Variants in ANKRD42 observed in about 807,000 individuals in gnomAD.
ANKRD42 encodes ankyrin repeat domain 42.
ANKRD42 carries 43 observed loss-of-function variants against 51.5 expected under a neutral mutation model. The ratio of observed to expected loss-of-function variants is 0.83; its 90% confidence interval spans 0.65 to 1.08. The LOEUF (loss-of-function observed/expected upper bound fraction) is 1.08, where lower values mean the gene tolerates loss of function less well. Ranked by LOEUF, ANKRD42 falls within the 50% of genes least tolerant of loss-of-function variation. The pLI is 0.00. For synonymous variants in ANKRD42, 203 were observed against 213.0 expected, an observed-to-expected ratio of 0.95 and a Z score of 0.41; for missense variants, 608 against 629.3, an observed-to-expected ratio of 0.97 and a Z score of 0.36.
intron 3 of ANKRD42, among the ~76,000 whole-genome samples, chr11:83,207,783 T>C (rs1281103069): frequency 6.6e-6 from 1 of 152,236 alleles, no homozygotes; most frequent in East Asian, 1.9e-4. Context: ...CTCTATGCTA[T>C]ACTTCTGTAA....
downstream of ANKRD42, chr11:83,260,408 T>TA (rs1374610799): frequency 2.6e-5 from 4 of 152,206 alleles, no homozygotes; most frequent in Admixed American, 1.3e-4. Context: ...CAGTGAAAAT[T>TA]AATCTATAAT....
chr11:83,194,539 G>T lies in ANKRD42; in HGVS notation c.-132G>T. ...CTGGGAGAGAGCAAGAGAGGACCTT[G>T]GGCCCCGTCCTAGTGACGACGGAGA... On this transcript the variant is annotated 5_prime_UTR_variant, in exon 1 of 11. Coordinates refer to ENST00000533342, the MANE Select transcript of ANKRD42 (RefSeq NM_001300975.2). 1.2e-6 allele frequency: 1 copy of T among 839,448 alleles called. No homozygotes were observed. The highest frequency in any genetic ancestry group is 2.0e-6 in the Non-Finnish European group (1 of 501,674). The allele number at this position is 839,448 out of a possible 1,614,324, so 52.0% of individuals were successfully genotyped here.
chr11:83,256,491 C>G (rs1181246977), downstream of ANKRD42, among the ~76,000 whole-genome samples: 1 of 152,190 alleles, frequency 6.6e-6, no homozygotes, highest in Non-Finnish European at 1.5e-5. Context: ...GCTTGGCCAA[C>G]TAAAAAACAA....
intron 8 of ANKRD42, among the ~76,000 whole-genome samples, chr11:83,237,373 G>A (rs986720546): frequency 7.1e-6 from 1 of 141,098 alleles, no homozygotes; most frequent in Non-Finnish European, 1.6e-5. Context: ...AGATAGAGGT[G>A]AAAGAAAAAA....
intron 8 of ANKRD42, among the ~76,000 whole-genome samples, chr11:83,238,136 T>C (rs1863276666): frequency 6.6e-6 from 1 of 152,192 alleles, no homozygotes; most frequent in African/African-American, 2.4e-5. Context: ...ATCTTGATTG[T>C]AGTTCATTTT....
At position 83,211,393 on chromosome 11, in the gene ANKRD42, T is replaced by C. The variant is rs1862310779; in HGVS notation, c.549T>C (p.Cys183=). The C allele has an allele frequency of 6.2e-7, 1 of 1,614,120 alleles. No homozygotes were observed. The highest frequency in any genetic ancestry group is 8.5e-7 in the Non-Finnish European group (1 of 1,180,044). ...TGCAACTTCTTGTTAAATGGGGTTG[T>C]AGCATAGAAGATGTGGACTACAATG... The part of the protein sequence containing the change: ...GCLQLLVKWG[C]SIEDVDYNGN... The change falls in exon 5 of 11, where the codon TGT becomes TGC. Residue 183 remains cysteine, a synonymous_variant. Transcript: ENST00000533342.
intron 5 of ANKRD42, chr11:83,213,027 T>A (rs755126722): frequency 1.3e-6 from 2 of 1,599,900 alleles, no homozygotes; most frequent in East Asian, 4.5e-5. Context: ...AGACCCCTTG[T>A]GAAGCCCAGG....
intron 5 of ANKRD42, among the ~76,000 whole-genome samples, chr11:83,216,346 G>C (rs188488213): frequency 6.8e-6 from 1 of 148,030 alleles, no homozygotes; most frequent in Non-Finnish European, 1.5e-5. Flanking sequence ...TTTTTTTTGA[G>C]ACGGAGTCTC....
intron 9 of ANKRD42, among the ~76,000 whole-genome samples, chr11:83,243,260 A>G (rs937272683): frequency 2.6e-5 from 4 of 152,152 alleles, no homozygotes; most frequent in South Asian, 2.1e-4. Flanking sequence ...CTTGTTGTCC[A>G]TGTGTATGTC....
At chr11:83,246,361 A>C (rs746093078) in intron 10 of ANKRD42, among the ~76,000 whole-genome samples, 23 of 152,210 alleles carry the variant, frequency 1.5e-4, no homozygotes, top group Non-Finnish European at 2.5e-4. Context: ...ATACGTATGT[A>C]CTATACCATT....
chr11:83,194,839 C>A, intron 1 of ANKRD42, 111 bp downstream of exon 1: 1 of 1,126,706 alleles, frequency 8.9e-7, no homozygotes, highest in South Asian at 1.5e-5. Flanking sequence ...TCACTCCCCC[C>A]TTTCCCTTTT....
At chr11:83,229,715 C>T (rs1863009633) in intron 7 of ANKRD42, among the ~76,000 whole-genome samples, 1 of 152,154 alleles carries the variant, frequency 6.6e-6, no homozygotes. Flanking sequence ...AGAGTTTGCT[C>T]TTCACCCTCT....
chr11:83,209,092 A>G (rs1377047563), intron 3 of ANKRD42, among the ~76,000 whole-genome samples: 2 of 152,186 alleles, frequency 1.3e-5, no homozygotes, highest in African/African-American at 4.8e-5. Flanking sequence ...TTAATAATTA[A>G]TTATTTTATT....
At position 83,194,642 on chromosome 11, in the gene ANKRD42, C is replaced by A. The variant is rs750403309; in HGVS notation, c.-29C>A. 1.9e-6 allele frequency: 3 copies of A among 1,613,006 alleles called. No homozygotes were observed. Among genetic ancestry groups the A allele is most frequent in the African/African-American group, 2.7e-5 (2 of 74,918 alleles). On this transcript the variant is annotated 5_prime_UTR_variant, in exon 1 of 11. Transcript: ENST00000533342. ...CGCAGCATCAGGGGCCTGGACTCAACTCCTCCCCAGAGTCGGAGGTGTTGC... is the reference window on the plus strand; with the variant it reads ...CGCAGCATCAGGGGCCTGGACTCAAATCCTCCCCAGAGTCGGAGGTGTTGC...
chr11:83,236,345 G>T, intron 7 of ANKRD42, 59 bp from the exon 8 acceptor site: 1 of 1,438,064 alleles, frequency 7.0e-7, no homozygotes, highest in Non-Finnish European at 9.4e-7. Flanking sequence ...TTAGAAAATT[G>T]TTACTAATAA....
At chr11:83,227,135 AGT>A (rs1309889675) in intron 6 of ANKRD42, among the ~76,000 whole-genome samples, 1 of 152,064 alleles carries the variant, frequency 6.6e-6, no homozygotes, top group Admixed American at 6.6e-5. Context: ...CGTGAGAACA[AGT>A]GTGTCTTTAT....
chr11:83,215,000 A>G (rs1862476361), intron 5 of ANKRD42: 1 of 152,128 alleles, frequency 6.6e-6, no homozygotes, highest in African/African-American at 2.4e-5. Context: ...TCTGTGCTTG[A>G]CTTATTTTAC....
chr11:83,217,394 G>C (rs1359519398), intron 5 of ANKRD42, among the ~76,000 whole-genome samples: 2 of 152,190 alleles, frequency 1.3e-5, no homozygotes, highest in Admixed American at 6.5e-5. Context: ...AACAAGAAAG[G>C]CATGTGAAAA....
chr11:83,237,160 C>T (rs1487936565), intron 8 of ANKRD42, among the ~76,000 whole-genome samples: 7 of 152,130 alleles, frequency 4.6e-5, no homozygotes, highest in African/African-American at 1.4e-4. Flanking sequence ...CAGTCACCGC[C>T]CTCAAGGAGT....
Sources: allele counts gnomAD v4.1 joint callset (sites outside exome capture counted in the v4.1 genomes callset), GRCh38; gene constraint gnomAD v4.1.1; transcripts MANE v1.5; gene names NCBI Gene and HGNC (gene_info 2026-07-23, HGNC 2026-07-21).